SDK1: variants seen among roughly 807,000 people sequenced by gnomAD.
SDK1 encodes the protein sidekick cell adhesion molecule 1, also known as protein sidekick-1.
Under a neutral mutation model 245.5 loss-of-function variants are expected in SDK1, and 157 were observed. That is an observed-to-expected ratio of 0.64 (90% CI 0.56 to 0.73). The LOEUF is 0.73. Ranked by LOEUF, SDK1 falls within the 30% of genes least tolerant of loss-of-function variation. SDK1 has a pLI of 0.00. For synonymous variants in SDK1, 1,647 were observed against 1,278.5 expected (o/e 1.29, Z -6.15); for missense variants, 3,583 against 3,002.3 (o/e 1.19, Z -4.52).
At chr7:3,785,959 T>C (rs1393283939) in intron 4 of SDK1, among the ~76,000 whole-genome samples, 1 of 152,374 alleles carries the variant, frequency 6.6e-6, no homozygotes, top group East Asian at 1.9e-4. Context: ...TTTTAGCGAT[T>C]GCTTGCTTTT....
intron 4 of SDK1, among the ~76,000 whole-genome samples, chr7:3,761,756 A>T (rs1388320780): frequency 1.3e-5 from 2 of 152,126 alleles, no homozygotes; most frequent in Non-Finnish European, 2.9e-5. Context: ...GATTATAGTT[A>T]TGAAATCATG....
At chr7:4,144,155 C>T (rs1353635360) in intron 28 of SDK1, among the ~76,000 whole-genome samples, 2 of 137,990 alleles carry the variant, frequency 1.4e-5, no homozygotes, top group African/African-American at 5.4e-5. Flanking sequence ...AAGGGGAGGC[C>T]GGGGGAAAGA....
intron 22 of SDK1, among the ~76,000 whole-genome samples, chr7:4,090,610 C>T (rs1294266696): frequency 6.6e-6 from 1 of 152,134 alleles, no homozygotes. Flanking sequence ...TGAGCACTTC[C>T]TTATCTTCTG....
intron 2 of SDK1, among the ~76,000 whole-genome samples, chr7:3,634,186 C>G (rs979536488): frequency 4.6e-5 from 7 of 152,166 alleles, no homozygotes; most frequent in African/African-American, 1.7e-4. Context: ...CCCATCTCCA[C>G]AAAAGCTCAT....
At chr7:3,899,930 A>G (rs1219202926) in intron 5 of SDK1, among the ~76,000 whole-genome samples, 1 of 152,238 alleles carries the variant, frequency 6.6e-6, no homozygotes, top group Non-Finnish European at 1.5e-5. Flanking sequence ...CTTACCTCAC[A>G]CATTCCCTTG....
At chr7:3,590,166 G>A (rs1174150488) in intron 1 of SDK1, among the ~76,000 whole-genome samples, 2 of 152,196 alleles carry the variant, frequency 1.3e-5, no homozygotes, top group Non-Finnish European at 2.9e-5. Flanking sequence ...CTCAGGCTGT[G>A]CTCCCAAACC....
chr7:3,642,129 C>T (rs1431725069), intron 4 of SDK1, 24 bp downstream of exon 4: 3 of 1,610,296 alleles, frequency 1.9e-6, no homozygotes, highest in East Asian at 4.5e-5. Context: ...AACGTTAAAG[C>T]TTCAAATACA....
chr7:3,549,215 C>T (rs1481693770), intron 1 of SDK1, among the ~76,000 whole-genome samples: 8 of 152,128 alleles, frequency 5.3e-5, no homozygotes, highest in Admixed American at 2.6e-4. Context: ...GAATTCATTC[C>T]GAAGGCTGTG....
At chr7:3,484,705 C>T (rs1235062257) in intron 1 of SDK1, among the ~76,000 whole-genome samples, 1 of 152,188 alleles carries the variant, frequency 6.6e-6, no homozygotes, top group East Asian at 1.9e-4. Context: ...GTTGCACTCA[C>T]TACCTCCACA....
intron 4 of SDK1, among the ~76,000 whole-genome samples, chr7:3,672,796 A>ATATATATATATATATATATATAT (rs1554307151): frequency 1.1e-4 from 6 of 53,408 alleles, no homozygotes; most frequent in Non-Finnish European, 2.0e-4. Context: ...TATATATATA[A>ATATATATATATATATATATATAT]AAAATACAGA....
chr7:3,968,168 T>C (rs945137186), intron 10 of SDK1, among the ~76,000 whole-genome samples: 1 of 152,222 alleles, frequency 6.6e-6, no homozygotes, highest in African/African-American at 2.4e-5. Flanking sequence ...CTTTGTTTTG[T>C]TGAAGAAAGA....
intron 4 of SDK1, among the ~76,000 whole-genome samples, chr7:3,668,584 G>C (rs1375156170): frequency 6.6e-6 from 1 of 152,042 alleles, no homozygotes; most frequent in Non-Finnish European, 1.5e-5. Context: ...GACCAGCCTG[G>C]GCAAGAGACC....
rs909682751 is a variant in SDK1, at chr7:4,178,655, G to A, written c.5098+69G>A. On this transcript the variant is annotated intron_variant, in intron 35 of 44. Transcript: ENST00000404826. The stretch of plus-strand genomic sequence containing the variant: ...AGTGGTGGGGACAGCCAGGCACGCT[G>A]CGGCCAAGCCCCTCAGGTGTCCAGC... 3 of 1,130,222 alleles carry A rather than the reference G, an allele frequency of 2.7e-6. No individual in the cohort carries two copies. The East Asian group carries it at 7.0e-5, about 27-fold the overall frequency. The allele number at this position is 1,130,222 out of a possible 1,614,324, so 70.0% of individuals were successfully genotyped here.
chr7:4,110,811 C>G, intron 23 of SDK1, 39 bp downstream of exon 23: 4 of 1,440,808 alleles, frequency 2.8e-6, no homozygotes, highest in Non-Finnish European at 3.9e-6. Context: ...GGAGGAAACA[C>G]TGGCAGCCCA....
At chr7:3,565,233 C>T (rs1049403557) in intron 1 of SDK1, among the ~76,000 whole-genome samples, 1 of 152,048 alleles carries the variant, frequency 6.6e-6, no homozygotes, top group African/African-American at 2.4e-5. Context: ...TCTACTTCAC[C>T]TCCCTCTTCC....
At chr7:3,828,402 A>G (rs1779830440) in intron 5 of SDK1, among the ~76,000 whole-genome samples, 1 of 152,004 alleles carries the variant, frequency 6.6e-6, no homozygotes, top group Non-Finnish European at 1.5e-5. Flanking sequence ...CTGTTGCTTT[A>G]TATGAACGAA....
intron 34 of SDK1, among the ~76,000 whole-genome samples, chr7:4,177,825 G>A (rs1007433281): frequency 6.6e-6 from 1 of 152,156 alleles, no homozygotes; most frequent in African/African-American, 2.4e-5. Context: ...AGAATCAGTG[G>A]GAGCCCTGAG....
chr7:3,384,514 A>G (rs1781562740), intron 1 of SDK1, among the ~76,000 whole-genome samples: 1 of 152,224 alleles, frequency 6.6e-6, no homozygotes, highest in African/African-American at 2.4e-5. Context: ...GAGCAAATAA[A>G]TCTAACGTTG....
intron 38 of SDK1, among the ~76,000 whole-genome samples, chr7:4,217,177 C>A (rs377577830): frequency 0.094 from 6,934 of 73,420 alleles, 711 homozygotes; most frequent in Non-Finnish European, 0.13. Context: ...GCACCACACC[C>A]CCCGGAGCAC....
Sources: allele counts gnomAD v4.1 joint callset (sites outside exome capture counted in the v4.1 genomes callset), GRCh38; gene constraint gnomAD v4.1.1; transcripts MANE v1.5; gene names NCBI Gene and HGNC (gene_info 2026-07-23, HGNC 2026-07-21).